The following ME3 variants were observed in gnomAD, a reference collection of about 807,000 sequenced individuals.
ME3 encodes the protein malic enzyme 3.
ME3 carries 48 observed loss-of-function variants against 68.9 expected under a neutral mutation model. That is an observed-to-expected ratio of 0.70 (90% CI 0.55 to 0.89). The LOEUF is 0.89. Ranked by LOEUF, ME3 falls within the 40% of genes least tolerant of loss-of-function variation. The pLI is 0.00. For missense variants in ME3, 675 were observed against 797.4 expected, an observed-to-expected ratio of 0.85 and a Z score of 1.85; for synonymous variants, 320 against 318.8, an observed-to-expected ratio of 1.00 and a Z score of -0.04.
intron 8 of ME3, among the ~76,000 whole-genome samples, chr11:86,453,815 G>GCTGT (rs1461861047): frequency 2.6e-5 from 4 of 152,126 alleles, no homozygotes; most frequent in African/African-American, 9.7e-5. Context: ...TTGCAGTTTG[G>GCTGT]CTGTCACTGA....
At chr11:86,656,856 T>A (rs11234731) in intron 2 of ME3, among the ~76,000 whole-genome samples, 2 of 150,446 alleles carry the variant, frequency 1.3e-5, no homozygotes, top group Non-Finnish European at 1.5e-5. Flanking sequence ...GATAAACATA[T>A]GAAAAAAAAA....
At chr11:86,541,401 A>G (rs1956041176) in intron 4 of ME3, among the ~76,000 whole-genome samples, 1 of 152,228 alleles carries the variant, frequency 6.6e-6, no homozygotes, top group Non-Finnish European at 1.5e-5. Context: ...CACTGGCTTG[A>G]AATTCTCGCT....
chr11:86,457,059 C>G (rs1316405966), intron 8 of ME3, among the ~76,000 whole-genome samples: 1 of 152,196 alleles, frequency 6.6e-6, no homozygotes, highest in African/African-American at 2.4e-5. Context: ...ATCGATGCCT[C>G]CCTGCTTCTA....
rs1222302855 is a variant in ME3 at position 86,502,049 on chromosome 11, T to C, written c.544-3925A>G. On this transcript the variant is annotated intron_variant, in intron 5 of 14. Transcript: ENST00000543262. Reference sequence around the variant, plus strand: ...TTAGACTGGCACTTAAAGCCTTCCATGGGCTAGGCCCAAGCTGCCCTTTGA... The same window carrying C: ...TTAGACTGGCACTTAAAGCCTTCCACGGGCTAGGCCCAAGCTGCCCTTTGA... 2.6e-5 allele frequency among the ~76,000 whole-genome samples: 4 copies of C among 152,238 alleles called. No homozygotes were observed. The East Asian group carries it at 7.7e-4, about 29-fold the overall frequency.
At chr11:86,517,910 G>T (rs947659485) in intron 4 of ME3, among the ~76,000 whole-genome samples, 4 of 152,056 alleles carry the variant, frequency 2.6e-5, no homozygotes, top group African/African-American at 9.7e-5. Context: ...CCTTTATTTT[G>T]ACAGTTGTAA....
At chr11:86,626,025 T>C (rs1943640728) in intron 2 of ME3, among the ~76,000 whole-genome samples, 1 of 152,186 alleles carries the variant, frequency 6.6e-6, no homozygotes, top group Admixed American at 6.5e-5. Context: ...TTATAGTAAA[T>C]GATATGGAGA....
chr11:86,524,463 G>A (rs569013241), intron 4 of ME3, among the ~76,000 whole-genome samples: 6 of 152,242 alleles, frequency 3.9e-5, no homozygotes, highest in African/African-American at 1.4e-4. Context: ...AATAGGCTAG[G>A]AGCTCAGAAC....
chr11:86,558,528 A>T (rs1957043646), intron 3 of ME3, among the ~76,000 whole-genome samples: 1 of 152,118 alleles, frequency 6.6e-6, no homozygotes, highest in Non-Finnish European at 1.5e-5. Flanking sequence ...TATGAGGGAA[A>T]CAGAGGAATA....
chr11:86,491,448 G>A (rs1952006839), intron 6 of ME3, among the ~76,000 whole-genome samples: 1 of 152,164 alleles, frequency 6.6e-6, no homozygotes, highest in Admixed American at 6.5e-5. Context: ...GCTGGGGAAC[G>A]GGGAGAGCTG....
downstream of ME3, among the ~76,000 whole-genome samples, chr11:86,437,606 C>G (rs1356404213): frequency 6.6e-6 from 1 of 152,098 alleles, no homozygotes; most frequent in East Asian, 1.9e-4. Context: ...CAAAGAATCT[C>G]TCTCAATTTA....
intron 2 of ME3, among the ~76,000 whole-genome samples, chr11:86,569,932 T>C (rs142451622): frequency 3.3e-5 from 5 of 152,316 alleles, no homozygotes; most frequent in Non-Finnish European, 5.9e-5. Flanking sequence ...AGTTGTTGAC[T>C]GAGTTGAGTT....
chr11:86,632,320 A>G (rs1423064850), intron 2 of ME3, among the ~76,000 whole-genome samples: 1 of 152,100 alleles, frequency 6.6e-6, no homozygotes, highest in Non-Finnish European at 1.5e-5. Context: ...GAGAGCCTAA[A>G]TAGGGGAGTG....
chr11:86,442,835 T>A lies in ME3; in HGVS notation c.1639A>T (p.Arg547Ter). 1 of 1,612,114 alleles carries A rather than the reference T, an allele frequency of 6.2e-7. No homozygotes were observed. Among genetic ancestry groups the A allele is most frequent in the Non-Finnish European group, 8.5e-7 (1 of 1,178,448 alleles). The stretch of plus-strand genomic sequence containing the variant: ...ATGCCCCTTACTTTGATGGCAATTC[T>A]CAAAGACACGTCTCGGATGGTGCTG... Residue 547 changes from arginine (R) to a stop codon, truncating the protein, a stop_gained, in exon 14 of 15, where the codon AGA becomes TGA. Coordinates refer to ENST00000543262, the Ensembl canonical transcript of ME3. LOFTEE classifies it high-confidence loss of function.
intron 8 of ME3, chr11:86,464,066 T>C (rs910347634): frequency 9.1e-6 from 4 of 439,016 alleles, no homozygotes; most frequent in African/African-American, 4.1e-5. Flanking sequence ...TCTTTTCTTT[T>C]AGATCTATCC....
At chr11:86,483,263 G>A (rs2138894895) in intron 7 of ME3, among the ~76,000 whole-genome samples, 1 of 152,242 alleles carries the variant, frequency 6.6e-6, no homozygotes, top group South Asian at 2.1e-4. Context: ...GGAATGGGAG[G>A]AGTCCCATTT....
chr11:86,619,151 C>G (rs1223734976), intron 2 of ME3, among the ~76,000 whole-genome samples: 6 of 152,198 alleles, frequency 3.9e-5, no homozygotes, highest in African/African-American at 1.4e-4. Flanking sequence ...AAGCAGATGT[C>G]AGCACTATGC....
rs201780584 is a variant in ME3 at position 86,442,630 on chromosome 11, CTGGGTGGGTGTT to C, written c.1653+179_1653+190del. Among the ~76,000 whole-genome samples the C allele has an allele frequency of 5.9e-4, 89 of 152,126 alleles. No homozygotes were observed. In the East Asian group the frequency reaches 0.016, roughly 28 times the overall value. The stretch of plus-strand genomic sequence containing the variant: ...ATCCAGGAGCTTTCCCAGAACTGGC[CTGGGTGGGTGTT>C]TGGGGTGGAGCTCAAGCTGCAAACA... On this transcript the variant is annotated intron_variant, in intron 14 of 14. Coordinates refer to ENST00000543262, the Ensembl canonical transcript of ME3.
At chr11:86,590,878 T>C (rs1409839821) in intron 2 of ME3, among the ~76,000 whole-genome samples, 2 of 152,198 alleles carry the variant, frequency 1.3e-5, no homozygotes, top group African/African-American at 4.8e-5. Context: ...TATGAGGCAG[T>C]AATAAGGCTG....
chr11:86,646,099 A>G (rs1016174662), intron 2 of ME3, among the ~76,000 whole-genome samples: 2 of 152,196 alleles, frequency 1.3e-5, no homozygotes, highest in East Asian at 1.9e-4. Flanking sequence ...ATGAGGAAAA[A>G]CCAGGGCAAA....
Sources: allele counts gnomAD v4.1 joint callset (sites outside exome capture counted in the v4.1 genomes callset), GRCh38; gene constraint gnomAD v4.1.1; transcripts MANE v1.5; gene names NCBI Gene and HGNC (gene_info 2026-07-23, HGNC 2026-07-21).